Variants in MTCL1 observed in about 807,000 individuals in gnomAD.
MTCL1 encodes microtubule crosslinking factor 1, also known as microtubule cross-linking factor 1.
Under a neutral mutation model 141.4 loss-of-function variants are expected in MTCL1, and 79 were observed. The observed-to-expected ratio is 0.56, with a 90% CI of 0.47 to 0.67. MTCL1 has a LOEUF of 0.67. Ranked by LOEUF, MTCL1 falls within the 30% of genes least tolerant of loss-of-function variation. The pLI, the probability that MTCL1 is intolerant of heterozygous loss-of-function variation, is 0.00. For missense variants in MTCL1, 2,177 were observed against 2,113.9 expected (o/e 1.03, Z -0.59); for synonymous variants, 914 against 875.8 (o/e 1.04, Z -0.77).
chr18:8,784,613 C>A, exon 6 of MTCL1: 1 of 1,612,916 alleles, frequency 6.2e-7, no homozygotes, highest in South Asian at 1.1e-5. Flanking sequence ...CGAAGAGGAG[C>A]AGGGTGAGGG....
chr18:8,824,264 A>G (rs12960688), intron 14 of MTCL1, among the ~76,000 whole-genome samples: 19,752 of 152,244 alleles, frequency 0.13, 1,345 homozygotes, highest in Middle Eastern at 0.14. Context: ...AACACATGGA[A>G]GAATCCACAC....
At chr18:8,706,067 C>T in exon 1 of MTCL1, 1 of 1,194,326 alleles carries the variant, frequency 8.4e-7, no homozygotes. Flanking sequence ...GCGCGCGTGG[C>T]GCCCGCGGAG....
intron 4 of MTCL1, among the ~76,000 whole-genome samples, chr18:8,741,770 G>A (rs1223828022): frequency 1.3e-5 from 2 of 152,204 alleles, no homozygotes; most frequent in African/African-American, 4.8e-5. Flanking sequence ...GGCCATCCAG[G>A]AACTCATCAA....
chr18:8,829,397 T>C (rs1220474389), intron 16 of MTCL1: 75 of 985,210 alleles, frequency 7.6e-5, no homozygotes, highest in Non-Finnish European at 8.7e-5. Flanking sequence ...GACCCTAATG[T>C]GATAAGGCTT....
intron 7 of MTCL1, 109 bp from the exon 7 acceptor site, chr18:8,792,889 C>A: frequency 6.9e-7 from 1 of 1,449,278 alleles, no homozygotes; most frequent in Non-Finnish European, 9.4e-7. Context: ...CCCACACATG[C>A]TGTGTCGCTC....
intron 12 of MTCL1, among the ~76,000 whole-genome samples, chr18:8,815,504 T>A (rs1303180974): frequency 6.6e-6 from 1 of 150,912 alleles, no homozygotes; most frequent in Non-Finnish European, 1.5e-5. Context: ...GCATTAGGAG[T>A]TATACCTAAT....
intron 4 of MTCL1, among the ~76,000 whole-genome samples, chr18:8,750,008 T>C (rs980013292): frequency 3.9e-5 from 6 of 152,192 alleles, no homozygotes; most frequent in East Asian, 1.9e-4. Flanking sequence ...GTTAGCTGGA[T>C]GGTAATGTCA....
At chr18:8,750,456 C>T (rs577922420) in intron 4 of MTCL1, among the ~76,000 whole-genome samples, 12 of 152,372 alleles carry the variant, frequency 7.9e-5, no homozygotes, top group Admixed American at 5.9e-4. Context: ...CCACCTGCTG[C>T]TCTCTGTGCC....
exon 6 of MTCL1, chr18:8,784,752 C>T (rs2096545236): frequency 2.5e-6 from 4 of 1,614,214 alleles, no homozygotes; most frequent in Non-Finnish European, 3.4e-6. Context: ...CCCCACCTCA[C>T]AGAGTCCTCT....
intron 4 of MTCL1, among the ~76,000 whole-genome samples, chr18:8,722,803 TA>T (rs1161671175): frequency 6.6e-6 from 1 of 152,268 alleles, no homozygotes; most frequent in African/African-American, 2.4e-5. Context: ...CTATATTTTA[TA>T]AAATTTTATA....
rs1468662723 is a variant in MTCL1, at chr18:8,784,961, A to C, written c.1731+118A>C. On this transcript the variant is annotated intron_variant, in intron 6 of 16. Transcript: ENST00000359865. ...TGCTTGGTTATGATTTCAAACCTGC[A>C]TTGTACTAAAGCCTCCGGGGCAACC... is the stretch of plus-strand genomic sequence containing the variant. 3.3e-6 allele frequency: 3 copies of C among 919,752 alleles called. No homozygotes were observed. The East Asian group carries it at 8.3e-5, about 26-fold the overall frequency. 57.0% of individuals were successfully genotyped at this position (919,752 alleles called of 1,614,324 possible). A position where few individuals can be genotyped will look rare whatever the true frequency, so the allele number is the denominator to read the frequency against.
intron 4 of MTCL1, among the ~76,000 whole-genome samples, chr18:8,741,915 C>T (rs565179359): frequency 8.9e-4 from 136 of 152,212 alleles, no homozygotes; most frequent in Middle Eastern, 3.4e-3. Flanking sequence ...GCTTGTTTTT[C>T]GCAAGGAAGA....
intron 10 of MTCL1, among the ~76,000 whole-genome samples, chr18:8,806,486 A>G (rs2076300162): frequency 6.6e-6 from 1 of 152,138 alleles, no homozygotes; most frequent in Admixed American, 6.5e-5. Context: ...CTGGACATCT[A>G]AAGTCACACA....
rs1339232293 is a variant in MTCL1, at chr18:8,706,751, C to T, written c.1053+38C>T. The T allele has an allele frequency of 3.9e-6, 6 of 1,540,388 alleles. No individual in the cohort carries two copies. In the South Asian group the frequency reaches 7.2e-5, roughly 18 times the overall value. ...TCGGCCGCAGGTGTCCCGGGGCGCC[C>T]CCGGAGGGCCTGGCTGCGGCGGGGA... On this transcript the variant is annotated intron_variant, in intron 1 of 13. Transcript: ENST00000306329.
At position 8,828,221 on chromosome 18, in the gene MTCL1, C is replaced by T. The variant is rs1319390422; in HGVS notation, c.4723-687C>T. Among the ~76,000 whole-genome samples the T allele has an allele frequency of 2.6e-5, 4 of 152,150 alleles. No homozygotes were observed. The highest frequency in any genetic ancestry group is 7.2e-5 in the African/African-American group (3 of 41,420). On this transcript the variant is annotated intron_variant, in intron 15 of 16. Transcript: ENST00000359865. This position sits in a 1 kb window ranked among gnomAD's most constrained non-coding sequence, Gnocchi z 5.2. Reference sequence around the variant, plus strand: ...TCCAAGCCCACCCAGTGCGCTGTTGCGGAATCTTTCCCCGAATGTTCACTC... The same window carrying T: ...TCCAAGCCCACCCAGTGCGCTGTTGTGGAATCTTTCCCCGAATGTTCACTC...
intron 8 of MTCL1, among the ~76,000 whole-genome samples, chr18:8,794,208 G>A (rs777495795): frequency 5.3e-5 from 8 of 152,240 alleles, no homozygotes; most frequent in Non-Finnish European, 8.8e-5. Context: ...TGTTTGAAAA[G>A]TGAGTTTATC....
chr18:8,825,049 G>A lies in MTCL1; in HGVS notation c.3539G>A (p.Arg1180Gln), dbSNP rs115859324. The A allele has an allele frequency of 1.9e-5, 30 of 1,612,994 alleles. No individual in the cohort carries two copies. The East Asian group carries it at 4.7e-4, about 25-fold the overall frequency. ...GAGCACTGCCAGAAGCAGCCACTGC[G>A]GAGCCACGTCCTCACCGAGCAGTCG... The change falls in exon 15 of 17, where the codon CGG becomes CAG. Residue 1180 changes from arginine to glutamine, a missense_variant. By Grantham distance (43) the Arg-to-Gln change is conservative. Transcript: ENST00000359865.
intron 7 of MTCL1, 44 bp from the exon 7 acceptor site, chr18:8,792,954 A>G (rs1210047004): frequency 6.2e-7 from 1 of 1,608,210 alleles, no homozygotes. Context: ...CCTCAGGCAG[A>G]GTTCTCATTT....
chr18:8,727,474 A>C (rs998149611), intron 4 of MTCL1, among the ~76,000 whole-genome samples: 1 of 152,132 alleles, frequency 6.6e-6, no homozygotes, highest in African/African-American at 2.4e-5. Flanking sequence ...TGATGTTTTA[A>C]TAACAGCCAT....
Sources: gnomAD v4.1 joint callset for allele counts (sites outside exome capture counted in the v4.1 genomes callset) on GRCh38, gnomAD v4.1.1 for gene constraint, Gnocchi (gnomAD v3.1) non-coding constraint, MANE v1.5 for transcripts, NCBI Gene and HGNC (gene_info 2026-07-23, HGNC 2026-07-21) for gene names.